IGF2BP2: variants seen among roughly 807,000 people sequenced by gnomAD.
The protein encoded by IGF2BP2 is insulin like growth factor 2 mRNA binding protein 2, also known as insulin-like growth factor 2 mRNA-binding protein 2.
IGF2BP2 carries 17 observed loss-of-function variants against 75.8 expected under a neutral mutation model. The observed-to-expected ratio is 0.22, with a 90% CI of 0.15 to 0.34. IGF2BP2 has a LOEUF of 0.34. Among genes scored for constraint, IGF2BP2 ranks in the 10% least tolerant of loss-of-function variants. The pLI is 1.00. For missense variants in IGF2BP2, 516 were observed against 772.4 expected, an observed-to-expected ratio of 0.67 and a Z score of 3.93; for synonymous variants, 288 against 295.6, an observed-to-expected ratio of 0.97 and a Z score of 0.26.
Position 185,730,428 on chromosome 3 carries a change from C to CTTT in IGF2BP2, c.240-32084_240-32082dup, listed in dbSNP as rs71632076. ...ATGATAAACATACAAGCGCAGGTGT[C>CTTT]TTTTTTTTTTTTTTTTTTTTTTTGA... is the stretch of plus-strand genomic sequence containing the variant. On this transcript the variant is annotated intron_variant, in intron 2 of 15. Coordinates refer to ENST00000382199, the MANE Select transcript of IGF2BP2 (RefSeq NM_006548.6). Among the ~76,000 whole-genome samples, 214 of 96,736 alleles carry CTTT rather than the reference C, an allele frequency of 2.2e-3. 2 individuals are homozygous for CTTT. The highest frequency in any genetic ancestry group is 5.8e-3 in the African/African-American group (150 of 25,730). 63.5% of individuals were successfully genotyped at this position (96,736 alleles called of 152,430 possible).
At chr3:185,690,526 T>C (rs190978903) in intron 5 of IGF2BP2, among the ~76,000 whole-genome samples, 12 of 152,372 alleles carry the variant, frequency 7.9e-5, no homozygotes, top group African/African-American at 2.9e-4. Context: ...TGTTTAACAT[T>C]CTATTGATTT....
chr3:185,784,550 G>A (rs934510838), intron 2 of IGF2BP2, among the ~76,000 whole-genome samples: 4 of 152,132 alleles, frequency 2.6e-5, no homozygotes, highest in African/African-American at 9.7e-5. Flanking sequence ...TACAGAGCTG[G>A]GTACTACTGC....
intron 2 of IGF2BP2, among the ~76,000 whole-genome samples, chr3:185,790,289 G>C (rs1041055486): frequency 1.6e-4 from 9 of 56,220 alleles, no homozygotes; most frequent in African/African-American, 3.6e-4. Context: ...CAAAATGATT[G>C]GGAAGTGAGT....
chr3:185,805,094 T>C (rs1231929504), intron 2 of IGF2BP2, among the ~76,000 whole-genome samples: 1 of 152,124 alleles, frequency 6.6e-6, no homozygotes, highest in Non-Finnish European at 1.5e-5. Flanking sequence ...CCACTTTACG[T>C]AGATCCTAGG....
At chr3:185,659,676 A>G (rs781529320) in intron 10 of IGF2BP2, among the ~76,000 whole-genome samples, 42 of 151,990 alleles carry the variant, frequency 2.8e-4, no homozygotes, top group Non-Finnish European at 4.6e-4. Context: ...GCACCCTGCC[A>G]AGTAGCTGCT....
At chr3:185,703,201 TCTAA>T (rs1368124078) in intron 2 of IGF2BP2, among the ~76,000 whole-genome samples, 3 of 152,242 alleles carry the variant, frequency 2.0e-5, no homozygotes, top group Non-Finnish European at 4.4e-5. Context: ...TCCCAGCTCA[TCTAA>T]CTAATTTATA....
rs765470779 is a variant in IGF2BP2 at position 185,647,099 on chromosome 3, C to T, written c.1633G>A (p.Val545Met). Residue 545 changes from valine to methionine, a missense_variant, in exon 15 of 16, where the codon GTG becomes ATG. Physicochemically the swap from Val to Met is conservative, Grantham distance 21. Transcript: ENST00000382199. The surrounding 1 kb of genome is among the most constrained non-coding windows in gnomAD (Gnocchi z 4.9). ...TCATCTGGCGTTTGGTCACGAGGCA[C>T]GATGACTTCTGCACTGGTTAAGTTC... ...LQNLTSAEVIVPRDQTPDENE... is the reference protein window; with the variant it reads ...LQNLTSAEVIMPRDQTPDENE... 13 of 1,614,130 alleles carry T rather than the reference C, an allele frequency of 8.1e-6. No homozygotes were observed. Among genetic ancestry groups the T allele is most frequent in the African/African-American group, 1.3e-5 (1 of 75,042 alleles).
At chr3:185,752,991 G>T (rs1452832261) in intron 2 of IGF2BP2, among the ~76,000 whole-genome samples, 1 of 152,174 alleles carries the variant, frequency 6.6e-6, no homozygotes, top group African/African-American at 2.4e-5. Context: ...AATGCAGGGG[G>T]CTGAGGGTGG....
At chr3:185,820,524 A>C (rs960225294) in intron 2 of IGF2BP2, among the ~76,000 whole-genome samples, 7 of 152,164 alleles carry the variant, frequency 4.6e-5, no homozygotes, top group African/African-American at 1.7e-4. Flanking sequence ...TTTGCATTTA[A>C]TAAGAATAAA....
At position 185,682,716 on chromosome 3, in the gene IGF2BP2, A is replaced by G. The variant is rs560499145; in HGVS notation, c.812+4341T>C. ...TATCACCAATCGCTAATCATCAGAG[A>G]AATACAAATCAAGACCACAATGAGC... On this transcript the variant is annotated intron_variant, in intron 7 of 15. Coordinates refer to ENST00000382199, the MANE Select transcript of IGF2BP2 (RefSeq NM_006548.6). 1.5e-4 allele frequency among the ~76,000 whole-genome samples: 23 copies of G among 152,340 alleles called. 1 individual carries two copies. In the South Asian group the frequency reaches 4.3e-3, roughly 29 times the overall value.
chr3:185,716,578 G>T, intron 2 of IGF2BP2: 1 of 520,134 alleles, frequency 1.9e-6, no homozygotes, highest in South Asian at 1.4e-5. Context: ...CCAGACTCAC[G>T]TCCTCAGTAA....
intron 7 of IGF2BP2, among the ~76,000 whole-genome samples, chr3:185,677,164 G>A (rs540156448): frequency 2.4e-4 from 35 of 148,360 alleles, no homozygotes; most frequent in Non-Finnish European, 4.4e-4. Context: ...GGCCCCACCC[G>A]CTACATGGCA....
chr3:185,696,241 C>T (rs982913597), intron 4 of IGF2BP2, among the ~76,000 whole-genome samples: 11 of 152,168 alleles, frequency 7.2e-5, no homozygotes, highest in African/African-American at 2.4e-4. Flanking sequence ...CAGTCCAAGA[C>T]ATTAGGGATC....
chr3:185,665,482 A>AGGAGG (rs1717345363), intron 10 of IGF2BP2, among the ~76,000 whole-genome samples: 2 of 42,630 alleles, frequency 4.7e-5, no homozygotes, highest in African/African-American at 2.4e-4. Context: ...GAAGGAGAAG[A>AGGAGG]AGGAGGAGAA....
chr3:185,664,081 T>C (rs915426774), intron 10 of IGF2BP2, among the ~76,000 whole-genome samples: 10 of 152,348 alleles, frequency 6.6e-5, no homozygotes, highest in Admixed American at 2.6e-4. Context: ...CTTTCTAAGA[T>C]GCAGAAGGTG....
At chr3:185,704,891 C>G (rs549137654) in intron 2 of IGF2BP2, among the ~76,000 whole-genome samples, 1 of 152,280 alleles carries the variant, frequency 6.6e-6, no homozygotes, top group Admixed American at 6.5e-5. Flanking sequence ...GCCTCCGCCT[C>G]TATGGAATCC....
intron 2 of IGF2BP2, among the ~76,000 whole-genome samples, chr3:185,800,249 G>A (rs867856649): frequency 1.4e-4 from 21 of 152,194 alleles, no homozygotes; most frequent in Middle Eastern, 3.4e-3. Flanking sequence ...GACACAAAGC[G>A]GGGAACGTCA....
chr3:185,656,171 G>C (rs111837814), intron 12 of IGF2BP2, among the ~76,000 whole-genome samples: 119 of 152,330 alleles, frequency 7.8e-4, no homozygotes, highest in Middle Eastern at 3.4e-3. Flanking sequence ...CAGCCAGGGG[G>C]TCTTCCACAC....
At chr3:185,661,413 G>T (rs960952614) in intron 10 of IGF2BP2, among the ~76,000 whole-genome samples, 1 of 152,014 alleles carries the variant, frequency 6.6e-6, no homozygotes, top group Non-Finnish European at 1.5e-5. Context: ...GAGGCAGGCG[G>T]ATTATTTGAG....
Sources: gnomAD v4.1 joint callset for allele counts (sites outside exome capture counted in the v4.1 genomes callset) on GRCh38, gnomAD v4.1.1 for gene constraint, Gnocchi (gnomAD v3.1) non-coding constraint, MANE v1.5 for transcripts, NCBI Gene and HGNC (gene_info 2026-07-23, HGNC 2026-07-21) for gene names.